DGKB: variants seen among roughly 807,000 people sequenced by gnomAD.
The protein encoded by DGKB is 90 kDa diacylglycerol kinase.
In DGKB, 67 loss-of-function variants were observed where a neutral mutation model predicts 114.3. That is an observed-to-expected ratio of 0.59 (90% CI 0.48 to 0.72). The LOEUF (loss-of-function observed/expected upper bound fraction) is 0.72, where lower values mean the gene tolerates loss of function less well. DGKB is among the 30% of genes least tolerant of loss of function. DGKB has a pLI of 0.00. For missense variants in DGKB, 907 were observed against 975.2 expected, an observed-to-expected ratio of 0.93 and a Z score of 0.93; for synonymous variants, 398 against 323.1, an observed-to-expected ratio of 1.23 and a Z score of -2.49.
chr7:14,671,212 A>C (rs1180807993), intron 13 of DGKB, among the ~76,000 whole-genome samples: 2 of 152,144 alleles, frequency 1.3e-5, no homozygotes, highest in African/African-American at 2.4e-5. Flanking sequence ...ATGCACCGAC[A>C]TGGGCATGTC....
intron 1 of DGKB, among the ~76,000 whole-genome samples, chr7:14,968,891 C>A (rs1434031049): frequency 6.6e-6 from 1 of 152,096 alleles, no homozygotes; most frequent in Non-Finnish European, 1.5e-5. Flanking sequence ...TGTTTAAAAG[C>A]TAATACTGTT....
chr7:14,478,273 T>C (rs1782488627), intron 20 of DGKB, 48 bp from the exon 21 acceptor site: 1 of 1,124,972 alleles, frequency 8.9e-7, no homozygotes, highest in South Asian at 1.7e-5. Context: ...TATGATCCTA[T>C]TATTTTATGA....
intron 20 of DGKB, among the ~76,000 whole-genome samples, chr7:14,569,599 T>C (rs905794917): frequency 6.6e-6 from 1 of 152,186 alleles, no homozygotes; most frequent in African/African-American, 2.4e-5. Context: ...TACTTCCTCA[T>C]TGGTTCATTC....
chr7:14,613,635 C>T (rs886246145), intron 15 of DGKB, among the ~76,000 whole-genome samples: 13 of 151,314 alleles, frequency 8.6e-5, no homozygotes, highest in Admixed American at 2.0e-4. Flanking sequence ...GAAAGGCATG[C>T]CTATCTAGAT....
chr7:14,510,579 T>C (rs565956702), intron 20 of DGKB, among the ~76,000 whole-genome samples: 3 of 152,212 alleles, frequency 2.0e-5, no homozygotes, highest in African/African-American at 7.2e-5. Context: ...TACATGAGGG[T>C]TGGCATCAAC....
At chr7:14,621,672 T>C (rs1027773241) in intron 14 of DGKB, among the ~76,000 whole-genome samples, 178 bp from the exon 15 acceptor site, 7 of 152,102 alleles carry the variant, frequency 4.6e-5, no homozygotes, top group African/African-American at 9.7e-5. Context: ...ATATATATGA[T>C]AGCTTCATGA....
intron 23 of DGKB, among the ~76,000 whole-genome samples, chr7:14,220,888 A>G (rs1789828612): frequency 6.6e-6 from 1 of 151,272 alleles, no homozygotes; most frequent in East Asian, 1.9e-4. Flanking sequence ...GCAGTTTTGA[A>G]TTTCATTTGC....
chr7:14,194,329 A>G (rs1174337701), intron 23 of DGKB, among the ~76,000 whole-genome samples: 1 of 152,194 alleles, frequency 6.6e-6, no homozygotes, highest in Admixed American at 6.5e-5. Context: ...TGGATAAAAA[A>G]TGTGGCAAAT....
chr7:14,944,603 A>T (rs1015049308), intron 1 of DGKB, among the ~76,000 whole-genome samples: 17 of 151,672 alleles, frequency 1.1e-4, no homozygotes, highest in Admixed American at 1.3e-4. Flanking sequence ...CATCCCAGTG[A>T]CTCCTAATGG....
At chr7:14,382,190 A>G (rs1440764838) in intron 21 of DGKB, among the ~76,000 whole-genome samples, 1 of 152,212 alleles carries the variant, frequency 6.6e-6, no homozygotes, top group Non-Finnish European at 1.5e-5. Context: ...AGTAAGAAAG[A>G]GCACAATTAG....
At chr7:14,962,636 TTG>T (rs71004348) in intron 1 of DGKB, among the ~76,000 whole-genome samples, 11,310 of 141,484 alleles carry the variant, frequency 0.08, 441 homozygotes, top group Non-Finnish European at 0.09. Flanking sequence ...GTGTGTGTGT[TTG>T]TGTGTGTGTG....
At chr7:14,604,702 C>T (rs1416538151) in intron 17 of DGKB, among the ~76,000 whole-genome samples, 2 of 152,110 alleles carry the variant, frequency 1.3e-5, no homozygotes, top group Non-Finnish European at 2.9e-5. Context: ...ATAGGACACT[C>T]TTAGCATGAT....
At chr7:14,511,196 C>T (rs1787929156) in intron 20 of DGKB, among the ~76,000 whole-genome samples, 1 of 152,176 alleles carries the variant, frequency 6.6e-6, no homozygotes, top group Non-Finnish European at 1.5e-5. Flanking sequence ...CCATGAAAGT[C>T]CTAGATAGCA....
chr7:14,784,737 T>G (rs1286390653), intron 2 of DGKB, among the ~76,000 whole-genome samples: 2 of 152,224 alleles, frequency 1.3e-5, no homozygotes, highest in African/African-American at 4.8e-5. Flanking sequence ...TAGAAATTAT[T>G]ACAATTACTT....
At chr7:14,427,626 G>A (rs960182052) in intron 21 of DGKB, among the ~76,000 whole-genome samples, 1 of 152,170 alleles carries the variant, frequency 6.6e-6, no homozygotes, top group Non-Finnish European at 1.5e-5. Flanking sequence ...ACATGGCTGG[G>A]GAGGACTCAC....
chr7:14,288,998 G>C (rs1463350990), intron 23 of DGKB, among the ~76,000 whole-genome samples: 1 of 152,184 alleles, frequency 6.6e-6, no homozygotes, highest in African/African-American at 2.4e-5. Flanking sequence ...GACAACGACA[G>C]AGTTTTGGAA....
chr7:14,425,306 T>G (rs558808870), intron 21 of DGKB, among the ~76,000 whole-genome samples: 1 of 152,092 alleles, frequency 6.6e-6, no homozygotes, highest in East Asian at 1.9e-4. Context: ...ATCTTTGCAA[T>G]GTACCATTAT....
At chr7:14,898,710 G>C (rs1021467954) in intron 1 of DGKB, among the ~76,000 whole-genome samples, 2 of 151,920 alleles carry the variant, frequency 1.3e-5, no homozygotes, top group Non-Finnish European at 2.9e-5. Flanking sequence ...AATGAATCAG[G>C]GCCAACAATG....
At chr7:14,871,397 G>A (rs146057055) in intron 1 of DGKB, among the ~76,000 whole-genome samples, 1 of 152,230 alleles carries the variant, frequency 6.6e-6, no homozygotes, top group East Asian at 1.9e-4. Flanking sequence ...AAATGTGACG[G>A]GAAAGGGGAG....
Sources: gnomAD v4.1 joint callset for allele counts (sites outside exome capture counted in the v4.1 genomes callset) on GRCh38, gnomAD v4.1.1 for gene constraint, MANE v1.5 for transcripts, NCBI Gene and HGNC (gene_info 2026-07-23, HGNC 2026-07-21) for gene names.